Variants in TBC1D4 observed in about 807,000 individuals in gnomAD.
TBC1D4 encodes TBC1 domain family member 4, also known as TBC (Tre-2, BUB2, CDC16) domain-containing protein.
Under a neutral mutation model 142.5 loss-of-function variants are expected in TBC1D4, and 121 were observed. The observed-to-expected ratio is 0.85, with a 90% CI of 0.73 to 0.99. The LOEUF (loss-of-function observed/expected upper bound fraction) is 0.99, where lower values mean the gene tolerates loss of function less well. Ranked by LOEUF, TBC1D4 falls within the 50% of genes least tolerant of loss-of-function variation. TBC1D4 has a pLI of 0.00. For synonymous variants in TBC1D4, 630 were observed against 628.2 expected, an observed-to-expected ratio of 1.00 and a Z score of -0.04; for missense variants, 1,475 against 1,606.6, an observed-to-expected ratio of 0.92 and a Z score of 1.40.
chr13:75,303,245 G>A (rs368988964), intron 15 of TBC1D4, among the ~76,000 whole-genome samples: 5 of 151,926 alleles, frequency 3.3e-5, no homozygotes, highest in African/African-American at 1.2e-4. Flanking sequence ...TGAACCTGGG[G>A]GACACAGGTT....
At chr13:75,292,069 T>A (rs780271813) in intron 19 of TBC1D4, 33 bp downstream of exon 19, 10 of 1,566,758 alleles carry the variant, frequency 6.4e-6, no homozygotes, top group Non-Finnish European at 8.7e-6. Flanking sequence ...TAGAGAAAAC[T>A]GCTATATAAT....
intron 1 of TBC1D4, among the ~76,000 whole-genome samples, chr13:75,459,869 G>A (rs777344458): frequency 4.6e-5 from 7 of 152,138 alleles, no homozygotes; most frequent in Non-Finnish European, 8.8e-5. Context: ...TTGGCAAGGC[G>A]CGGTGGCTCA....
At chr13:75,328,496 A>G (rs1414570085) in intron 8 of TBC1D4, among the ~76,000 whole-genome samples, 1 of 152,164 alleles carries the variant, frequency 6.6e-6, no homozygotes, top group African/African-American at 2.4e-5. Context: ...AGACCTAAGA[A>G]CCTAAGAGAT....
intron 1 of TBC1D4, among the ~76,000 whole-genome samples, chr13:75,469,884 G>C (rs533311500): frequency 5.9e-5 from 9 of 152,216 alleles, no homozygotes; most frequent in Admixed American, 1.3e-4. Flanking sequence ...AGTTATGACA[G>C]CAAGTATATA....
At chr13:75,402,809 A>G (rs1885164639) in intron 1 of TBC1D4, among the ~76,000 whole-genome samples, 1 of 152,204 alleles carries the variant, frequency 6.6e-6, no homozygotes, top group African/African-American at 2.4e-5. Context: ...TAAAAGTAAG[A>G]GAGATATGAG....
At chr13:75,322,007 A>G (rs916693994) in intron 11 of TBC1D4, among the ~76,000 whole-genome samples, 5 of 152,254 alleles carry the variant, frequency 3.3e-5, no homozygotes, top group Admixed American at 2.0e-4. Context: ...ATCTGAGGTC[A>G]GCATGGGGAT....
Position 75,362,283 on chromosome 13 carries a change from C to A in TBC1D4, c.823G>T (p.Asp275Tyr), listed in dbSNP as rs774778693. ...CCGGCAGGTAAGCCAAGGTGGGTGT[C>A]GGTGCCGTCAGCCTCCTCCGGCAGG... ...DCLPEEADGT[D>Y]THLGLPAGAS... The change falls in exon 2 of 21, where the codon GAC (aspartate) becomes TAC (tyrosine). Residue 275 changes from aspartate to tyrosine, a missense_variant. Around this residue, in one of 2 missense-constraint regions of TBC1D4, gnomAD observed 1,227 missense variants for 1,267.7 expected, o/e 0.97. Coordinates refer to ENST00000377636, the MANE Select transcript of TBC1D4 (RefSeq NM_014832.5). This position sits in a 1 kb window ranked among gnomAD's most constrained non-coding sequence, Gnocchi z 4.2. 2 of 1,613,798 alleles carry A rather than the reference C, an allele frequency of 1.2e-6. No homozygotes were observed. Among genetic ancestry groups the A allele is most frequent in the Admixed American group, 3.3e-5 (2 of 60,020 alleles).
At chr13:75,449,312 A>G (rs1166676380) in intron 1 of TBC1D4, among the ~76,000 whole-genome samples, 2 of 152,056 alleles carry the variant, frequency 1.3e-5, no homozygotes, top group Non-Finnish European at 2.9e-5. Flanking sequence ...ACACACACAC[A>G]CAATTTTTTT....
intron 1 of TBC1D4, among the ~76,000 whole-genome samples, chr13:75,363,228 C>T (rs1882680960): frequency 6.6e-6 from 1 of 152,146 alleles, no homozygotes; most frequent in Admixed American, 6.5e-5. Flanking sequence ...TATAGACCTA[C>T]TTCATTACCT....
intron 1 of TBC1D4, among the ~76,000 whole-genome samples, chr13:75,466,345 C>T (rs541702497): frequency 6.6e-6 from 1 of 152,304 alleles, no homozygotes; most frequent in African/African-American, 2.4e-5. Flanking sequence ...CCTGCATTTA[C>T]TCCATCCGCA....
At chr13:75,406,974 G>A (rs115673466) in intron 1 of TBC1D4, among the ~76,000 whole-genome samples, 1,629 of 152,238 alleles carry the variant, frequency 0.011, 18 homozygotes, top group African/African-American at 0.037. Context: ...TAGTGAGACC[G>A]AAACTTAACA....
intron 8 of TBC1D4, 117 bp downstream of exon 8, chr13:75,336,804 A>AG: frequency 2.4e-6 from 3 of 1,254,260 alleles, no homozygotes; most frequent in Non-Finnish European, 1.1e-6. Flanking sequence ...AAGTTATCTT[A>AG]GGTTTTTTTT....
chr13:75,450,082 G>T (rs181584495), intron 1 of TBC1D4, among the ~76,000 whole-genome samples: 3 of 152,196 alleles, frequency 2.0e-5, no homozygotes, highest in African/African-American at 7.2e-5. Context: ...ATTTGAAAAT[G>T]ATTTTCTTGA....
intron 1 of TBC1D4, among the ~76,000 whole-genome samples, chr13:75,447,499 A>AAT (rs1383327759): frequency 1.6e-5 from 1 of 62,898 alleles, no homozygotes; most frequent in Non-Finnish European, 3.4e-5. Context: ...GCATAGTGTG[A>AAT]ATGTGTGTGT....
At chr13:75,340,729 C>T (rs894689622) in intron 7 of TBC1D4, among the ~76,000 whole-genome samples, 1 of 152,012 alleles carries the variant, frequency 6.6e-6, no homozygotes, top group African/African-American at 2.4e-5. Context: ...GGGGGATCAC[C>T]TGAAGTTGGG....
At position 75,471,247 on chromosome 13, in the gene TBC1D4, T is replaced by C. The variant is rs564789009; in HGVS notation, c.498+10023A>G. Among the ~76,000 whole-genome samples, 3 of 152,266 alleles carry C rather than the reference T, an allele frequency of 2.0e-5. No individual in the cohort carries two copies. The South Asian group carries it at 6.2e-4, about 32-fold the overall frequency. On this transcript the variant is annotated intron_variant, in intron 1 of 20. Coordinates refer to ENST00000377636, the MANE Select transcript of TBC1D4 (RefSeq NM_014832.5). ...AGATCCCTGATGGAGGATTAGGCAT[T>C]AGGTGACAGTCTCTATGTTATAACT...
chr13:75,367,524 T>TA (rs766211283), intron 1 of TBC1D4, among the ~76,000 whole-genome samples: 141 of 138,680 alleles, frequency 1.0e-3, no homozygotes, highest in South Asian at 1.4e-3. Flanking sequence ...TAGAGAAGTG[T>TA]AAAAAAAAAA....
In TBC1D4 at chr13:75,481,478, G is replaced by C. The variant is rs373653727; in HGVS notation, c.290C>G (p.Pro97Arg). Reference sequence around the variant, plus strand: ...AGTGCCCCCCGAGGCCCCAGCGCCCGGCGCGGGGACGCAACGCAGGAAGGG... The same window carrying C: ...AGTGCCCCCCGAGGCCCCAGCGCCCCGCGCGGGGACGCAACGCAGGAAGGG... ...SAPFLRCVPA[P>R]GAGASGGTSP... The change falls in exon 1 of 21, where the codon CCG becomes CGG. Residue 97 changes from proline to arginine, a missense_variant. By Grantham distance (103) the Pro-to-Arg change is moderately radical. This residue lies in a region of TBC1D4 where 1,227 missense variants were observed against 1,267.7 expected (regional missense o/e 0.97). Transcript: ENST00000377636. 1.2e-6 allele frequency: 2 copies of C among 1,613,224 alleles called. No homozygotes were observed. Among genetic ancestry groups the C allele is most frequent in the South Asian group, 2.2e-5 (2 of 91,008 alleles).
rs755352854 is a variant in TBC1D4 at position 75,326,471 on chromosome 13, G to A, written c.1807-48C>T. On this transcript the variant is annotated intron_variant, in intron 9 of 20. Transcript: ENST00000377636. Reference sequence around the variant, plus strand: ...CCCTTTATTTCCCACGTGGGTCATGGCAGACCTGCCAAAACACAGAGCTCA... The same window carrying A: ...CCCTTTATTTCCCACGTGGGTCATGACAGACCTGCCAAAACACAGAGCTCA... 32 of 1,589,798 alleles carry A rather than the reference G, an allele frequency of 2.0e-5. No individual in the cohort carries two copies. In the East Asian group the frequency reaches 6.5e-4, roughly 32 times the overall value.
Sources: allele counts gnomAD v4.1 joint callset (sites outside exome capture counted in the v4.1 genomes callset), GRCh38; gene constraint gnomAD v4.1.1; regional missense constraint gnomAD v4.1.1; non-coding constraint Gnocchi (gnomAD v3.1); transcripts MANE v1.5; gene names NCBI Gene and HGNC (gene_info 2026-07-23, HGNC 2026-07-21).